Variants in ARNT2 observed in about 807,000 individuals in gnomAD.
The protein encoded by ARNT2 is aryl hydrocarbon receptor nuclear translocator 2, also known as ARNT protein 2.
A neutral mutation model predicts 91.7 loss-of-function variants in ARNT2; 36 were observed. The observed-to-expected ratio is 0.39, with a 90% CI of 0.30 to 0.52. The LOEUF is 0.52. ARNT2 is among the 20% of genes least tolerant of loss of function. The pLI is 0.72. For missense variants in ARNT2, 775 were observed against 939.3 expected (o/e 0.83, Z 2.29); for synonymous variants, 365 against 347.1 (o/e 1.05, Z -0.57).
At chr15:80,458,500 A>G (rs1231764434) in intron 3 of ARNT2, among the ~76,000 whole-genome samples, 3 of 152,116 alleles carry the variant, frequency 2.0e-5, no homozygotes, top group Admixed American at 2.0e-4. Flanking sequence ...TTCAGCTCCT[A>G]AGAACTGTAT....
At chr15:80,499,602 A>C (rs961950676) in intron 5 of ARNT2, among the ~76,000 whole-genome samples, 1 of 152,202 alleles carries the variant, frequency 6.6e-6, no homozygotes, top group Non-Finnish European at 1.5e-5. Flanking sequence ...CCATGCTCAG[A>C]TTCTCAAAGA....
At position 80,563,235 on chromosome 15, in the gene ARNT2, G is replaced by A. The variant is rs537962071; in HGVS notation, c.1312G>A (p.Val438Ile). The A allele has an allele frequency of 5.5e-5, 89 of 1,614,096 alleles. No individual in the cohort carries two copies. The highest frequency in any genetic ancestry group is 4.5e-4 in the East Asian group (20 of 44,878). ...IEYIICTNTN[V>I]KQLQQQQAEL... ...GTACATCATCTGCACCAACACCAAC[G>A]TCAAGTACGTACACTGCCATTTCCC... Residue 438 changes from valine to isoleucine, a missense_variant, in exon 12 of 19, where the codon GTC (valine) becomes ATC (isoleucine). This residue lies in a region of ARNT2 where 325 missense variants were observed against 359.9 expected (regional missense o/e 0.90). Coordinates refer to ENST00000303329, the MANE Select transcript of ARNT2 (RefSeq NM_014862.4).
intron 1 of ARNT2, among the ~76,000 whole-genome samples, chr15:80,414,762 T>G (rs1272881946): frequency 4.5e-5 from 6 of 133,478 alleles, no homozygotes; most frequent in Non-Finnish European, 9.4e-5. Flanking sequence ...CTGTGTTCTC[T>G]CTCTCTTTTT....
intron 3 of ARNT2, 133 bp downstream of exon 3, chr15:80,458,109 G>C: frequency 1.1e-6 from 1 of 903,436 alleles, no homozygotes; most frequent in Non-Finnish European, 1.7e-6. Flanking sequence ...CTCACTCTGT[G>C]GCAGTATTTG....
At chr15:80,472,318 A>C (rs1192152937) in intron 4 of ARNT2, among the ~76,000 whole-genome samples, 2 of 152,190 alleles carry the variant, frequency 1.3e-5, no homozygotes, top group Non-Finnish European at 2.9e-5. Flanking sequence ...AAGGAGCCAC[A>C]AAAAATACCT....
Position 80,591,721 on chromosome 15 carries a change from C to CCGCCTTCTCGTAGGTACCGG in ARNT2, c.2055+27_2055+46dup, listed in dbSNP as rs571072422. On this transcript the variant is annotated intron_variant, in intron 18 of 18. Coordinates refer to ENST00000303329, the MANE Select transcript of ARNT2 (RefSeq NM_014862.4). The surrounding 1 kb of genome is among the most constrained non-coding windows in gnomAD (Gnocchi z 5.1). ...GTGTTCCAGGTAAATCGAGCGAGCA[C>CCGCCTTCTCGTAGGTACCGG]CGCCTTCTCGTAGGTACCGGCGCCT... is the stretch of plus-strand genomic sequence containing the variant. The CCGCCTTCTCGTAGGTACCGG allele has an allele frequency of 1.4e-4, 218 of 1,613,636 alleles. 4 individuals carry two copies. In the South Asian group the frequency reaches 2.3e-3, roughly 17 times the overall value.
chr15:80,527,310 AT>A (rs1388308763), intron 8 of ARNT2, among the ~76,000 whole-genome samples: 3 of 152,238 alleles, frequency 2.0e-5, no homozygotes, highest in Non-Finnish European at 4.4e-5. Flanking sequence ...GTCAAGGGTC[AT>A]AACCGAGACA....
intron 11 of ARNT2, among the ~76,000 whole-genome samples, chr15:80,561,083 G>C (rs1898335676): frequency 6.6e-6 from 1 of 152,206 alleles, no homozygotes; most frequent in Non-Finnish European, 1.5e-5. Context: ...TGAGGATAGA[G>C]ATGGGGTATT....
chr15:80,573,943 T>A (rs1898624633), intron 12 of ARNT2: 1 of 561,800 alleles, frequency 1.8e-6, no homozygotes, highest in Non-Finnish European at 3.2e-6. Context: ...TCTTAAATAG[T>A]TGAGTTTGGT....
At chr15:80,434,044 T>C (rs147530595) in intron 1 of ARNT2, 87 of 152,288 alleles carry the variant, frequency 5.7e-4, no homozygotes, top group African/African-American at 2.0e-3. Context: ...GATAGTTTCT[T>C]TATGGCCAGT....
chr15:80,460,400 A>G (rs1896535231), intron 3 of ARNT2, among the ~76,000 whole-genome samples: 1 of 152,186 alleles, frequency 6.6e-6, no homozygotes, highest in South Asian at 2.1e-4. Context: ...AGATGCAACA[A>G]AGTAGTAGAT....
At position 80,404,471 on chromosome 15, in the gene ARNT2, C is replaced by G. The variant is rs1471403623; in HGVS notation, c.-45C>G. On this transcript the variant is annotated 5_prime_UTR_variant, in exon 1 of 19. Coordinates refer to ENST00000303329, the MANE Select transcript of ARNT2 (RefSeq NM_014862.4). This position sits in a 1 kb window ranked among gnomAD's most constrained non-coding sequence, Gnocchi z 5.5. ...GCTGAGCGCCGGGCTCCGCGCCGCC[C>G]CTCCCGCGCCCCTGCCAAGCGGGCG... 1.7e-6 allele frequency: 2 copies of G among 1,202,674 alleles called. No homozygotes were observed. The highest frequency in any genetic ancestry group is 2.1e-6 in the Non-Finnish European group (2 of 950,590). The allele number at this position is 1,202,674 out of a possible 1,614,324, so 74.5% of individuals were successfully genotyped here.
At chr15:80,536,401 C>T (rs1414936817) in intron 8 of ARNT2, among the ~76,000 whole-genome samples, 1 of 152,162 alleles carries the variant, frequency 6.6e-6, no homozygotes, top group Non-Finnish European at 1.5e-5. Context: ...AATGGGATCT[C>T]TACTTGGCCA....
At chr15:80,510,223 C>T (rs1486860550) in intron 6 of ARNT2, among the ~76,000 whole-genome samples, 3 of 151,872 alleles carry the variant, frequency 2.0e-5, no homozygotes, top group Admixed American at 6.6e-5. Flanking sequence ...CCCACTCAGT[C>T]GGAAAAACTG....
At chr15:80,452,304 C>T (rs944209653) in intron 2 of ARNT2, among the ~76,000 whole-genome samples, 1 of 152,212 alleles carries the variant, frequency 6.6e-6, no homozygotes, top group African/African-American at 2.4e-5. Context: ...GATACAGCCA[C>T]TTCTCTCTCT....
At chr15:80,432,418 G>GAA (rs999070849) in intron 1 of ARNT2, among the ~76,000 whole-genome samples, 1 of 151,468 alleles carries the variant, frequency 6.6e-6, no homozygotes, top group Non-Finnish European at 1.5e-5. Context: ...TAAATTGATG[G>GAA]AAAAAAAACA....
At chr15:80,564,346 C>A (rs1320353797) in intron 12 of ARNT2, among the ~76,000 whole-genome samples, 3 of 152,086 alleles carry the variant, frequency 2.0e-5, no homozygotes, top group Non-Finnish European at 4.4e-5. Context: ...CTGGCTCTGC[C>A]CTCTGTTGCC....
chr15:80,461,354 T>G (rs911102653), intron 3 of ARNT2, among the ~76,000 whole-genome samples: 7 of 152,028 alleles, frequency 4.6e-5, no homozygotes, highest in African/African-American at 1.7e-4. Context: ...AGAGGGTGGT[T>G]GAAGAGGCCA....
chr15:80,521,898 C>T (rs1897553466), intron 8 of ARNT2, among the ~76,000 whole-genome samples: 1 of 152,096 alleles, frequency 6.6e-6, no homozygotes, highest in Non-Finnish European at 1.5e-5. Flanking sequence ...CTATCTCTGA[C>T]CAACTCATAC....
Sources: allele counts gnomAD v4.1 joint callset (sites outside exome capture counted in the v4.1 genomes callset), GRCh38; gene constraint gnomAD v4.1.1; regional missense constraint gnomAD v4.1.1; non-coding constraint Gnocchi (gnomAD v3.1); transcripts MANE v1.5; gene names NCBI Gene and HGNC (gene_info 2026-07-23, HGNC 2026-07-21).